UXS1: variants seen among roughly 807,000 people sequenced by gnomAD.
UXS1 encodes UDP-glucuronate decarboxylase 1, also known as UDP-glucuronic acid decarboxylase 1.
In UXS1, 33 loss-of-function variants were observed where a neutral mutation model predicts 62.6. The ratio of observed to expected loss-of-function variants is 0.53; its 90% CI spans 0.40 to 0.70. UXS1 has a LOEUF of 0.70. UXS1 is among the 30% of genes least tolerant of loss of function. The pLI, the probability that UXS1 is intolerant of heterozygous loss-of-function variation, is 0.00. For synonymous variants in UXS1, 213 were observed against 206.8 expected, an observed-to-expected ratio of 1.03 and a Z score of -0.26; for missense variants, 434 against 556.3, an observed-to-expected ratio of 0.78 and a Z score of 2.21.
intron 5 of UXS1, among the ~76,000 whole-genome samples, chr2:106,155,212 C>G (rs908129605): frequency 6.6e-6 from 1 of 152,088 alleles, no homozygotes; most frequent in African/African-American, 2.4e-5. Context: ...AACAAACATC[C>G]GAACTCTATC....
At chr2:106,103,988 C>A (rs1014178237) in intron 11 of UXS1, among the ~76,000 whole-genome samples, 14 of 152,204 alleles carry the variant, frequency 9.2e-5, no homozygotes, top group African/African-American at 3.1e-4. Context: ...CAGCCACCAT[C>A]TCACCCTAGT....
intron 6 of UXS1, among the ~76,000 whole-genome samples, chr2:106,139,924 T>G (rs1680966017): frequency 6.6e-6 from 1 of 152,220 alleles, no homozygotes. Context: ...TTTTCTACAC[T>G]TGAGTCAGAG....
In UXS1 at chr2:106,123,057, C is replaced by A; in HGVS notation, c.672G>T (p.Trp224Cys). 1 of 1,613,952 alleles carries A rather than the reference C, an allele frequency of 6.2e-7. No individual in the cohort carries two copies. The highest frequency in any genetic ancestry group is 8.5e-7 in the Non-Finnish European group (1 of 1,179,844). The change falls in exon 9 of 15, where the codon TGG (tryptophan) becomes TGT (cysteine). Residue 224 changes from tryptophan (W) to cysteine (C), a missense_variant. Trp to Cys is a radical substitution (Grantham distance 215). Transcript: ENST00000283148. ...GAGGTCCTATTGGATTCACGTGGCC[C>A]CAGTAATCCTCACTTTGAGGGTGGA... is the stretch of plus-strand genomic sequence containing the variant. ...PEVHPQSEDY[W>C]GHVNPIGPRA... is the part of the protein sequence containing the mutation.
chr2:106,101,592 T>C (rs1677600878), intron 11 of UXS1: 1 of 154,474 alleles, frequency 6.5e-6, no homozygotes, highest in Admixed American at 6.5e-5. Flanking sequence ...CGAACTCCAG[T>C]ATGTGATCCC....
intron 3 of UXS1, 70 bp from the exon 4 acceptor site, chr2:106,163,780 G>A: frequency 7.0e-6 from 7 of 995,202 alleles, no homozygotes; most frequent in Non-Finnish European, 9.7e-6. Flanking sequence ...ACCCCATTCT[G>A]ATGTTTCAGA....
At chr2:106,137,371 C>T (rs1680743722) in intron 6 of UXS1, among the ~76,000 whole-genome samples, 1 of 152,222 alleles carries the variant, frequency 6.6e-6, no homozygotes, top group Non-Finnish European at 1.5e-5. Context: ...CACCTACTTC[C>T]AAGCTCCAGG....
intron 11 of UXS1, among the ~76,000 whole-genome samples, chr2:106,103,748 G>A (rs1189246484): frequency 1.3e-5 from 2 of 152,314 alleles, no homozygotes; most frequent in Non-Finnish European, 1.5e-5. Flanking sequence ...TACTGGCTGT[G>A]TAAATGTTTA....
intron 12 of UXS1, chr2:106,100,817 C>T (rs1045497450): frequency 9.5e-6 from 5 of 527,152 alleles, no homozygotes; most frequent in African/African-American, 3.9e-5. Context: ...ATCTTAGACC[C>T]AGGCCCTTCA....
chr2:106,177,144 C>G (rs1189066273), intron 1 of UXS1, among the ~76,000 whole-genome samples: 2 of 151,814 alleles, frequency 1.3e-5, no homozygotes, highest in Admixed American at 1.3e-4. Flanking sequence ...ATAATACATA[C>G]AGCAGGGTCA....
intron 6 of UXS1, 52 bp downstream of exon 6, chr2:106,145,138 G>C (rs993799619): frequency 1.5e-5 from 23 of 1,570,196 alleles, no homozygotes; most frequent in Admixed American, 5.3e-5. Context: ...CGCAGCTCTG[G>C]CAAGGCCACC....
chr2:106,105,591 C>A (rs1283662219), intron 10 of UXS1, among the ~76,000 whole-genome samples: 1 of 152,186 alleles, frequency 6.6e-6, no homozygotes, highest in African/African-American at 2.4e-5. Context: ...CCAGGGAAAG[C>A]CCTTTGCCAA....
At chr2:106,106,169 A>G (rs1678048602) in intron 10 of UXS1, among the ~76,000 whole-genome samples, 1 of 152,182 alleles carries the variant, frequency 6.6e-6, no homozygotes, top group South Asian at 2.1e-4. Context: ...GTTCGACACC[A>G]GCCTGACCAA....
At chr2:106,119,814 GTCT>G (rs1486655087) in intron 9 of UXS1, among the ~76,000 whole-genome samples, 10 of 152,126 alleles carry the variant, frequency 6.6e-5, no homozygotes, top group Admixed American at 2.0e-4. Flanking sequence ...TCATCTCAAC[GTCT>G]TCATTTCAAC....
At chr2:106,123,468 T>C (rs563929829) in intron 8 of UXS1, among the ~76,000 whole-genome samples, 3 of 152,312 alleles carry the variant, frequency 2.0e-5, no homozygotes, top group South Asian at 4.1e-4. Flanking sequence ...GAGCAAATCA[T>C]GTATTTATTG....
intron 1 of UXS1, among the ~76,000 whole-genome samples, chr2:106,191,302 G>A (rs1404465348): frequency 6.6e-6 from 1 of 152,226 alleles, no homozygotes; most frequent in Non-Finnish European, 1.5e-5. Context: ...TAATTGGGAA[G>A]TATGGACAGT....
intron 13 of UXS1, 38 bp downstream of exon 13, chr2:106,098,678 C>G: frequency 6.5e-7 from 1 of 1,549,158 alleles, no homozygotes; most frequent in Non-Finnish European, 8.9e-7. Context: ...AGGGCAGGCA[C>G]AGTCGATTTT....
At chr2:106,191,449 G>A (rs1214757123) in intron 1 of UXS1, among the ~76,000 whole-genome samples, 2 of 152,204 alleles carry the variant, frequency 1.3e-5, no homozygotes, top group African/African-American at 4.8e-5. Context: ...TCAATCACAA[G>A]CCCTGTAACA....
chr2:106,189,680 GA>G (rs1490967585), intron 1 of UXS1, among the ~76,000 whole-genome samples: 9 of 152,314 alleles, frequency 5.9e-5, no homozygotes, highest in African/African-American at 2.2e-4. Context: ...AACTAGACCC[GA>G]AAGGAAGATG....
intron 8 of UXS1, among the ~76,000 whole-genome samples, chr2:106,124,151 G>C (rs778321832): frequency 3.3e-5 from 5 of 152,230 alleles, no homozygotes; most frequent in Non-Finnish European, 7.3e-5. Context: ...TACTTCCTGA[G>C]AGAAAGGAAC....
Sources: gnomAD v4.1 joint callset for allele counts (sites outside exome capture counted in the v4.1 genomes callset) on GRCh38, gnomAD v4.1.1 for gene constraint, MANE v1.5 for transcripts, NCBI Gene and HGNC (gene_info 2026-07-23, HGNC 2026-07-21) for gene names.